Variants in SCN3A observed in about 807,000 individuals in gnomAD.
The protein encoded by SCN3A is sodium channel protein type 3 subunit alpha.
Under a neutral mutation model 187.6 loss-of-function variants are expected in SCN3A, and 60 were observed. The ratio of observed to expected loss-of-function variants is 0.32; its 90% confidence interval spans 0.26 to 0.40. The LOEUF is 0.40. Ranked by LOEUF, SCN3A falls within the 10% of genes least tolerant of loss-of-function variation. SCN3A has a pLI of 1.00. For synonymous variants in SCN3A, 788 were observed against 829.2 expected (o/e 0.95, Z 0.85); for missense variants, 1,601 against 2,428.2 (o/e 0.66, Z 7.16).
At chr2:165,195,502 T>C (rs1393503435) in intron 1 of SCN3A, 2 of 152,152 alleles carry the variant, frequency 1.3e-5, no homozygotes, top group Non-Finnish European at 2.9e-5. Flanking sequence ...GAGTGCCCTA[T>C]TGAATGTCTT....
intron 12 of SCN3A, among the ~76,000 whole-genome samples, chr2:165,141,688 G>A (rs998999048): frequency 7.2e-5 from 11 of 152,118 alleles, no homozygotes; most frequent in Non-Finnish European, 1.6e-4. Context: ...CACCTTATTT[G>A]AGAGACTATA....
At chr2:165,173,612 A>G (rs1690256572) in intron 3 of SCN3A, among the ~76,000 whole-genome samples, 1 of 152,192 alleles carries the variant, frequency 6.6e-6, no homozygotes, top group Non-Finnish European at 1.5e-5. Context: ...TTAGGTATTC[A>G]AAATGTATCA....
chr2:165,112,547 A>T (rs974351278), intron 21 of SCN3A, among the ~76,000 whole-genome samples: 91 of 152,170 alleles, frequency 6.0e-4, no homozygotes, highest in Admixed American at 2.0e-4. Flanking sequence ...TTGTTTTTTT[A>T]AACTGAACTG....
At chr2:165,165,992 G>A (rs185489603) in intron 5 of SCN3A, among the ~76,000 whole-genome samples, 32 of 152,206 alleles carry the variant, frequency 2.1e-4, no homozygotes, top group Admixed American at 2.1e-3. Flanking sequence ...AGTTTGGATC[G>A]TTGTGTGACA....
chr2:165,121,768 TGA>T (rs997182932), intron 18 of SCN3A, among the ~76,000 whole-genome samples: 1 of 152,194 alleles, frequency 6.6e-6, no homozygotes, highest in African/African-American at 2.4e-5. Context: ...GCACTCTGGC[TGA>T]GATTCCAGTA....
intron 3 of SCN3A, among the ~76,000 whole-genome samples, chr2:165,171,565 C>G (rs892440557): frequency 6.6e-6 from 1 of 151,966 alleles, no homozygotes; most frequent in African/African-American, 2.4e-5. Context: ...TTAAAACTTT[C>G]CTGAGGCGAT....
At chr2:165,173,044 C>T (rs1358404648) in intron 3 of SCN3A, among the ~76,000 whole-genome samples, 4 of 152,166 alleles carry the variant, frequency 2.6e-5, no homozygotes, top group Non-Finnish European at 2.9e-5. Context: ...GTCATTGCTA[C>T]AGCTGGAAGT....
intron 11 of SCN3A, among the ~76,000 whole-genome samples, chr2:165,152,409 A>G (rs1688738716): frequency 6.6e-6 from 1 of 152,244 alleles, no homozygotes; most frequent in African/African-American, 2.4e-5. Flanking sequence ...GGCAGATTAA[A>G]TGTTCAAAAG....
In SCN3A at chr2:165,090,328, T is replaced by C. The variant is rs149264761; in HGVS notation, c.5825A>G (p.Gln1942Arg). Residue 1942 changes from glutamine to arginine, a missense_variant, in exon 28 of 28, where the codon CAA (glutamine) becomes CGA (arginine). By Grantham distance (43) the Gln-to-Arg change is conservative (BLOSUM62 1). This residue lies in a region of SCN3A where 87 missense variants were observed against 89.2 expected (regional missense o/e 0.98). Transcript: ENST00000283254. This position sits in a 1 kb window ranked among gnomAD's most constrained non-coding sequence, Gnocchi z 4.0. ...IKGRIDLPIK[Q>R]DMIIDKLNGN... Reference sequence around the variant, plus strand: ...ATTTAGTTTGTCAATAATCATGTCTTGTTTTATAGGTAAGTCAATCCTCCC... The same window carrying C: ...ATTTAGTTTGTCAATAATCATGTCTCGTTTTATAGGTAAGTCAATCCTCCC... The C allele has an allele frequency of 3.7e-5, 59 of 1,613,440 alleles. No individual in the cohort carries two copies. The African/African-American group carries it at 6.7e-4, about 18-fold the overall frequency.
intron 21 of SCN3A, among the ~76,000 whole-genome samples, chr2:165,111,502 C>T (rs1326346021): frequency 7.0e-6 from 1 of 142,038 alleles, no homozygotes; most frequent in African/African-American, 3.0e-5. Context: ...CACACACACA[C>T]ACACACACAC....
intron 11 of SCN3A, among the ~76,000 whole-genome samples, chr2:165,149,065 C>T (rs561819921): frequency 2.6e-5 from 4 of 152,124 alleles, no homozygotes; most frequent in Non-Finnish European, 4.4e-5. Flanking sequence ...CACAAACACA[C>T]AACACACAGT....
At chr2:165,138,231 C>G in intron 14 of SCN3A, 114 bp from the exon 15 acceptor site, 2 of 769,440 alleles carry the variant, frequency 2.6e-6, no homozygotes, top group Non-Finnish European at 2.2e-6. Flanking sequence ...AATAGAAGTT[C>G]ATATTACTTA....
chr2:165,187,360 A>AC (rs1489793828), intron 1 of SCN3A, among the ~76,000 whole-genome samples: 1 of 152,238 alleles, frequency 6.6e-6, no homozygotes, highest in Non-Finnish European at 1.5e-5. Context: ...TTCCGCTATA[A>AC]CCAACAGCAA....
At chr2:165,099,711 C>T (rs567355295) in intron 22 of SCN3A, among the ~76,000 whole-genome samples, 53 of 151,956 alleles carry the variant, frequency 3.5e-4, no homozygotes, top group Non-Finnish European at 6.0e-4. Context: ...AGCGAGACTC[C>T]GTCTAAAAAC....
intron 3 of SCN3A, among the ~76,000 whole-genome samples, chr2:165,173,627 T>G (rs747128257): frequency 6.6e-5 from 10 of 152,216 alleles, no homozygotes; most frequent in Non-Finnish European, 1.5e-4. Flanking sequence ...GTATCACTAA[T>G]TAATGATGGT....
At chr2:165,150,875 C>G (rs2105847840) in intron 11 of SCN3A, among the ~76,000 whole-genome samples, 1 of 152,148 alleles carries the variant, frequency 6.6e-6, no homozygotes. Flanking sequence ...ACATTATTTC[C>G]TATAACACTT....
intron 3 of SCN3A, among the ~76,000 whole-genome samples, chr2:165,172,805 T>G (rs1301048013): frequency 6.6e-6 from 1 of 152,104 alleles, no homozygotes; most frequent in Non-Finnish European, 1.5e-5. Flanking sequence ...AATTTATAGG[T>G]TCTAAAACAG....
At position 165,146,457 on chromosome 2, in the gene SCN3A, G is replaced by GATAC. The variant is rs1553530875; in HGVS notation, c.1671+281_1671+282insGTAT. Among the ~76,000 whole-genome samples the GATAC allele has an allele frequency of 4.5e-3, 654 of 144,180 alleles. 6 individuals are homozygous for GATAC. Among genetic ancestry groups the GATAC allele is most frequent in the Middle Eastern group, 7.2e-3 (2 of 276 alleles). 94.6% of individuals were successfully genotyped at this position (144,180 alleles called of 152,430 possible). On this transcript the variant is annotated intron_variant, in intron 12 of 27. Transcript: ENST00000283254. ...ATACACACATATATATATACAGGTT[G>GATAC]ATATATAGGTTATATCAATATATAT...
At chr2:165,097,545 A>G in intron 22 of SCN3A, 21 bp from the exon 23 acceptor site, 1 of 1,612,486 alleles carries the variant, frequency 6.2e-7, no homozygotes, top group Non-Finnish European at 8.5e-7. Context: ...CAGCGAGGGG[A>G]ACATAGCTTA....
Sources: gnomAD v4.1 joint callset for allele counts (sites outside exome capture counted in the v4.1 genomes callset) on GRCh38, gnomAD v4.1.1 for gene constraint, gnomAD v4.1.1 regional missense constraint, Gnocchi (gnomAD v3.1) non-coding constraint, MANE v1.5 for transcripts, NCBI Gene and HGNC (gene_info 2026-07-23, HGNC 2026-07-21) for gene names.